The following ATP2B2 variants were observed in gnomAD, a reference collection of about 807,000 sequenced individuals.
ATP2B2 encodes ATPase plasma membrane Ca2+ transporting 2.
In ATP2B2, 15 loss-of-function variants were observed where a neutral mutation model predicts 120.0. That is an observed-to-expected ratio of 0.12 (90% CI 0.08 to 0.19). The LOEUF (loss-of-function observed/expected upper bound fraction) is 0.19. Ranked by LOEUF, ATP2B2 falls within the 10% of genes least tolerant of loss-of-function variation. ATP2B2 has a pLI of 1.00. For synonymous variants in ATP2B2, 694 were observed against 700.3 expected (o/e 0.99, Z 0.14); for missense variants, 1,045 against 1,719.8 (o/e 0.61, Z 6.94).
At chr3:10,520,292 G>C (rs1433344541) in intron 3 of ATP2B2, among the ~76,000 whole-genome samples, 1 of 152,124 alleles carries the variant, frequency 6.6e-6, no homozygotes, top group South Asian at 2.1e-4. Context: ...TGGAGCCAGT[G>C]CTGGAGCAAG....
At chr3:10,362,596 A>G (rs1468483315) in intron 12 of ATP2B2, among the ~76,000 whole-genome samples, 1 of 152,198 alleles carries the variant, frequency 6.6e-6, no homozygotes, top group Non-Finnish European at 1.5e-5. Context: ...AGAGTGAGGA[A>G]GAACTGCAGG....
chr3:10,500,934 G>A (rs201200016), intron 1 of ATP2B2, among the ~76,000 whole-genome samples: 1 of 152,322 alleles, frequency 6.6e-6, no homozygotes, highest in Middle Eastern at 3.4e-3. Context: ...AAGGACACTG[G>A]GGGGCAGGAT....
At chr3:10,614,058 C>A (rs1218850360) in intron 2 of ATP2B2, among the ~76,000 whole-genome samples, 5 of 152,024 alleles carry the variant, frequency 3.3e-5, no homozygotes, top group African/African-American at 1.2e-4. Flanking sequence ...TCCCTGAGCA[C>A]CTTATATAAA....
In ATP2B2 at chr3:10,375,315, G is replaced by T; in HGVS notation, c.1416+115C>A. On this transcript the variant is annotated intron_variant, in intron 11 of 22. Coordinates refer to ENST00000360273, the MANE Select transcript of ATP2B2 (RefSeq NM_001001331.4). This position sits in a 1 kb window ranked among gnomAD's most constrained non-coding sequence, Gnocchi z 4.2. Reference sequence around the variant, plus strand: ...TACATTCTTCTTCCAAGCTCCTAGGGGGTCTATGGGGCTTCTTCGTTCATC... The same window carrying T: ...TACATTCTTCTTCCAAGCTCCTAGGTGGTCTATGGGGCTTCTTCGTTCATC... 1 of 860,000 alleles carries T rather than the reference G, an allele frequency of 1.2e-6. No individual in the cohort carries two copies. The highest frequency in any genetic ancestry group is 2.5e-5 in the East Asian group (1 of 39,946). The allele number at this position is 860,000 out of a possible 1,614,324, so 53.3% of individuals were successfully genotyped here.
intron 1 of ATP2B2, among the ~76,000 whole-genome samples, chr3:10,480,978 C>T (rs986753468): frequency 7.9e-5 from 12 of 152,244 alleles, no homozygotes; most frequent in African/African-American, 1.2e-4. Flanking sequence ...CTGCTCCACC[C>T]GCACCAGATC....
At chr3:10,341,107 G>T (rs2060262969) in intron 19 of ATP2B2, among the ~76,000 whole-genome samples, 1 of 152,146 alleles carries the variant, frequency 6.6e-6, no homozygotes, top group South Asian at 2.1e-4. Flanking sequence ...TTGTTCCTGA[G>T]CATGTCCCTT....
intron 2 of ATP2B2, among the ~76,000 whole-genome samples, chr3:10,548,960 T>C (rs1187082966): frequency 6.6e-6 from 1 of 152,202 alleles, no homozygotes; most frequent in East Asian, 1.9e-4. Flanking sequence ...GAGCATCTAA[T>C]GAGATAAATG....
At position 10,637,333 on chromosome 3, in the gene ATP2B2, G is replaced by C. The variant is rs200010164; in HGVS notation, c.-459-17372C>G. Among the ~76,000 whole-genome samples, 30 of 152,272 alleles carry C rather than the reference G, an allele frequency of 2.0e-4. No individual in the cohort carries two copies. The East Asian group carries it at 5.8e-3, about 29-fold the overall frequency. ...TTACAATCAAAGTGAAAAGATAAAT[G>C]AATCAATAAAAACTGACTCAGAACT... is the stretch of plus-strand genomic sequence containing the variant. On this transcript the variant is annotated intron_variant, in intron 1 of 21. Coordinates refer to the ATP2B2 transcript ENST00000646379.
chr3:10,684,360 A>T (rs1355932610), intron 1 of ATP2B2, among the ~76,000 whole-genome samples: 1 of 152,182 alleles, frequency 6.6e-6, no homozygotes, highest in South Asian at 2.1e-4. Flanking sequence ...AGGAAAACTG[A>T]GCCCTAGTAA....
intron 22 of ATP2B2, chr3:10,331,841 G>C: frequency 1.4e-6 from 1 of 737,534 alleles, no homozygotes; most frequent in Non-Finnish European, 2.2e-6. Flanking sequence ...ACCCATGCCC[G>C]TTGTCAGAGG....
At chr3:10,690,141 T>C (rs1339640661) in intron 1 of ATP2B2, among the ~76,000 whole-genome samples, 1 of 152,226 alleles carries the variant, frequency 6.6e-6, no homozygotes, top group Non-Finnish European at 1.5e-5. Flanking sequence ...CAATTCTTTG[T>C]TTTGAAAGGG....
rs187047432 is a variant in ATP2B2 at position 10,675,068 on chromosome 3, T to C, written c.-460+32847A>G. Among the ~76,000 whole-genome samples the C allele has an allele frequency of 1.3e-3, 193 of 152,362 alleles. 1 individual carries two copies. Among genetic ancestry groups the C allele is most frequent in the African/African-American group, 4.4e-3 (181 of 41,580 alleles). On this transcript the variant is annotated intron_variant, in intron 1 of 21. Coordinates refer to the ATP2B2 transcript ENST00000646379. The stretch of plus-strand genomic sequence containing the variant: ...ATTTGTCAAGTTGTTTCCCAATGAT[T>C]CAATTCCTATTAAACATTTTAGGCA...
chr3:10,694,177 A>T (rs1478989108), intron 1 of ATP2B2, among the ~76,000 whole-genome samples: 1 of 152,244 alleles, frequency 6.6e-6, no homozygotes, highest in East Asian at 1.9e-4. Context: ...CCATCTTTGT[A>T]TGTGTCTGTG....
At chr3:10,397,820 C>T (rs1013599886) in intron 5 of ATP2B2, among the ~76,000 whole-genome samples, 11 of 152,194 alleles carry the variant, frequency 7.2e-5, no homozygotes, top group Admixed American at 5.9e-4. Context: ...TGCTCATAGA[C>T]AGTCGGTGAC....
intron 22 of ATP2B2, among the ~76,000 whole-genome samples, chr3:10,334,339 C>T (rs2060060104): frequency 6.6e-6 from 1 of 152,224 alleles, no homozygotes; most frequent in African/African-American, 2.4e-5. Flanking sequence ...GAAGTGGATT[C>T]TTCCCCATGT....
At chr3:10,695,039 T>C (rs1310241638) in intron 1 of ATP2B2, among the ~76,000 whole-genome samples, 1 of 152,134 alleles carries the variant, frequency 6.6e-6, no homozygotes, top group African/African-American at 2.4e-5. Flanking sequence ...TGACTTGCTT[T>C]GGCCAACAGT....
chr3:10,570,907 C>A (rs1436123036), intron 2 of ATP2B2, among the ~76,000 whole-genome samples: 1 of 152,252 alleles, frequency 6.6e-6, no homozygotes, highest in Admixed American at 6.5e-5. Flanking sequence ...GGCCCCTACT[C>A]TCCAATCCTT....
At chr3:10,629,995 C>T (rs917814283) in intron 1 of ATP2B2, among the ~76,000 whole-genome samples, 3 of 152,158 alleles carry the variant, frequency 2.0e-5, no homozygotes, top group Non-Finnish European at 1.5e-5. Context: ...GGACAAACCC[C>T]TTATCCTCGG....
chr3:10,359,770 G>T (rs2060843277), intron 13 of ATP2B2, 112 bp downstream of exon 13: 2 of 1,505,458 alleles, frequency 1.3e-6, no homozygotes, highest in Admixed American at 1.7e-5. Flanking sequence ...ACTCCAGCCG[G>T]GCAGGCTGCT....
Sources: allele counts gnomAD v4.1 joint callset (sites outside exome capture counted in the v4.1 genomes callset), GRCh38; gene constraint gnomAD v4.1.1; non-coding constraint Gnocchi (gnomAD v3.1); transcripts MANE v1.5; gene names NCBI Gene and HGNC (gene_info 2026-07-23, HGNC 2026-07-21).